Variants in ZCCHC24 observed in about 807,000 individuals in gnomAD.
ZCCHC24 encodes zinc finger CCHC-type containing 24.
Under a neutral mutation model 26.2 loss-of-function variants are expected in ZCCHC24, and 10 were observed. The ratio of observed to expected loss-of-function variants is 0.38; its 90% CI spans 0.24 to 0.65. The LOEUF is 0.65. ZCCHC24 is among the 30% of genes least tolerant of loss of function. The pLI is 0.54. For synonymous variants in ZCCHC24, 144 were observed against 147.1 expected, an observed-to-expected ratio of 0.98 and a Z score of 0.15; for missense variants, 243 against 329.1, an observed-to-expected ratio of 0.74 and a Z score of 2.03.
intron 2 of ZCCHC24, among the ~76,000 whole-genome samples, chr10:79,406,046 C>G (rs979550804): frequency 6.6e-6 from 1 of 152,216 alleles, no homozygotes; most frequent in Non-Finnish European, 1.5e-5. Flanking sequence ...CGCTGGAGCT[C>G]ACAGCACTTA....
chr10:79,425,423 GCCT>G (rs1857012805), intron 2 of ZCCHC24, among the ~76,000 whole-genome samples: 1 of 152,198 alleles, frequency 6.6e-6, no homozygotes, highest in Non-Finnish European at 1.5e-5. Flanking sequence ...GCTTGGGATG[GCCT>G]CTGCCCACAT....
At chr10:79,392,024 C>A (rs1349553636) in intron 3 of ZCCHC24, among the ~76,000 whole-genome samples, 2 of 151,944 alleles carry the variant, frequency 1.3e-5, no homozygotes, top group Admixed American at 6.6e-5. Flanking sequence ...CAGACTCCAC[C>A]CAGTCCACAG....
rs541734589 is a variant in ZCCHC24, at chr10:79,417,199, G to A, written c.447+15359C>T. On this transcript the variant is annotated intron_variant, in intron 2 of 3. Coordinates refer to ENST00000372336, the MANE Select transcript of ZCCHC24 (RefSeq NM_153367.4). ...CATGGGGAGGGCTCAGAGGGCCTGC[G>A]GGAGGGAGGGGCACAAGGCTCTGTT... 5.9e-4 allele frequency among the ~76,000 whole-genome samples: 82 copies of A among 137,928 alleles called. 20 individuals are homozygous for A. The South Asian group carries it at 0.012, about 19-fold the overall frequency. The allele number at this position is 137,928 out of a possible 152,430, so 90.5% of individuals were successfully genotyped here. A position where few individuals can be genotyped will look rare whatever the true frequency, so the allele number is the denominator to read the frequency against.
At chr10:79,394,514 C>G in intron 2 of ZCCHC24, 74 bp from the exon 3 acceptor site, 1 of 1,560,612 alleles carries the variant, frequency 6.4e-7, no homozygotes, top group Admixed American at 1.8e-5. Flanking sequence ...TTCCCCTGGC[C>G]TCCGCCTCAG....
chr10:79,401,163 C>T (rs4543925), intron 2 of ZCCHC24, among the ~76,000 whole-genome samples: 127,408 of 152,240 alleles, frequency 0.84, 53,411 homozygotes, highest in East Asian at 0.92. Flanking sequence ...GATGCACGGC[C>T]TCTGCCCTCT....
intron 2 of ZCCHC24, among the ~76,000 whole-genome samples, chr10:79,404,806 C>G (rs1268988126): frequency 6.6e-6 from 1 of 152,228 alleles, no homozygotes; most frequent in African/African-American, 2.4e-5. Flanking sequence ...CGGGCCCCTT[C>G]CCCTTCTGGC....
At chr10:79,395,712 T>C (rs529773995) in intron 2 of ZCCHC24, among the ~76,000 whole-genome samples, 40 of 152,374 alleles carry the variant, frequency 2.6e-4, no homozygotes, top group African/African-American at 9.4e-4. Flanking sequence ...AACTAATTGT[T>C]CATACTTTTT....
At chr10:79,431,974 C>A (rs13376836) in intron 2 of ZCCHC24, among the ~76,000 whole-genome samples, 1 of 152,042 alleles carries the variant, frequency 6.6e-6, no homozygotes, top group East Asian at 1.9e-4. Context: ...GTGGGGGCCT[C>A]GATCTGCCCG....
In ZCCHC24 at chr10:79,384,250, CT is replaced by C. The variant is rs1856360120; in HGVS notation, c.*2094del. The C allele has an allele frequency of 6.6e-6, 1 of 152,352 alleles. No homozygotes were observed. The highest frequency in any genetic ancestry group is 6.5e-5 in the Admixed American group (1 of 15,288). The allele number at this position is 152,352 out of a possible 1,614,324, so 9.4% of individuals were successfully genotyped here. A position where few individuals can be genotyped will look rare whatever the true frequency, so the allele number is the denominator to read the frequency against. The stretch of plus-strand genomic sequence containing the variant: ...CAGGGAAGCCCTGGCCTCCAGTGGT[CT>C]GGGGCCTGGGTTAGTTTTAGGGTGT... On this transcript the variant is annotated 3_prime_UTR_variant, in exon 4 of 4. Transcript: ENST00000372336.
In ZCCHC24 at chr10:79,437,841, T is replaced by C. The variant is rs551306756; in HGVS notation, c.247-5083A>G. Among the ~76,000 whole-genome samples, 4 of 152,260 alleles carry C rather than the reference T, an allele frequency of 2.6e-5. No individual in the cohort carries two copies. The South Asian group carries it at 8.3e-4, about 32-fold the overall frequency. On this transcript the variant is annotated intron_variant, in intron 1 of 3. Transcript: ENST00000372336. ...GAGGGACTTCTTCTCTTTTCTTCCT[T>C]CCCTGCAGGACAGTAGGTAGGCACA... is the stretch of plus-strand genomic sequence containing the variant.
At chr10:79,415,843 A>T (rs1368851135) in intron 2 of ZCCHC24, among the ~76,000 whole-genome samples, 1 of 152,170 alleles carries the variant, frequency 6.6e-6, no homozygotes, top group Non-Finnish European at 1.5e-5. Flanking sequence ...ACGAGATGGG[A>T]ATTTCCTGCC....
intron 1 of ZCCHC24, among the ~76,000 whole-genome samples, chr10:79,436,959 T>C (rs1857225050): frequency 6.6e-6 from 1 of 152,238 alleles, no homozygotes; most frequent in South Asian, 2.1e-4. Flanking sequence ...TGGGGGACCA[T>C]GCATCACACT....
chr10:79,425,972 C>T (rs558070259), intron 2 of ZCCHC24, among the ~76,000 whole-genome samples: 4 of 152,294 alleles, frequency 2.6e-5, no homozygotes. Flanking sequence ...ACAGCCTCAC[C>T]CCACAAGGAT....
At chr10:79,390,980 C>T (rs1480355353) in intron 3 of ZCCHC24, among the ~76,000 whole-genome samples, 1 of 152,186 alleles carries the variant, frequency 6.6e-6, no homozygotes, top group Non-Finnish European at 1.5e-5. Context: ...TAGAGAGGCA[C>T]CACTCTCATA....
At chr10:79,422,671 G>C (rs1338916246) in intron 2 of ZCCHC24, among the ~76,000 whole-genome samples, 1 of 152,170 alleles carries the variant, frequency 6.6e-6, no homozygotes, top group East Asian at 1.9e-4. Flanking sequence ...ATTGTTTTCT[G>C]TCTAACATCT....
chr10:79,445,172 CG>C (rs1289770270), intron 1 of ZCCHC24, 22 bp downstream of exon 1: 1 of 711,508 alleles, frequency 1.4e-6, no homozygotes, highest in African/African-American at 6.8e-5. Context: ...GGGCGGTGGG[CG>C]GGGGCGCGCG....
At chr10:79,437,492 A>C (rs573288580) in intron 1 of ZCCHC24, among the ~76,000 whole-genome samples, 1 of 152,324 alleles carries the variant, frequency 6.6e-6, no homozygotes, top group African/African-American at 2.4e-5. Context: ...TGAGGCTCAG[A>C]GAGGCTGAGC....
chr10:79,406,148 A>G (rs979421196), intron 2 of ZCCHC24, among the ~76,000 whole-genome samples: 14 of 152,206 alleles, frequency 9.2e-5, no homozygotes, highest in Admixed American at 9.2e-4. Flanking sequence ...AGGTAGCTTC[A>G]TTGTGATCCC....
chr10:79,420,940 G>C (rs1311391469), intron 2 of ZCCHC24, among the ~76,000 whole-genome samples: 2 of 152,160 alleles, frequency 1.3e-5, no homozygotes, highest in Non-Finnish European at 2.9e-5. Context: ...TCATTTTACA[G>C]AGGAGGAAAC....
Sources: allele counts gnomAD v4.1 joint callset (sites outside exome capture counted in the v4.1 genomes callset), GRCh38; gene constraint gnomAD v4.1.1; transcripts MANE v1.5; gene names NCBI Gene and HGNC (gene_info 2026-07-23, HGNC 2026-07-21).